Variants in LCTL observed in about 807,000 individuals in gnomAD.
The protein encoded by LCTL is lactase like, also known as lactase-like protein.
In LCTL, 76 loss-of-function variants were observed where a neutral mutation model predicts 75.8. The observed-to-expected ratio is 1.00, with a 90% CI of 0.83 to 1.21. LCTL has a LOEUF of 1.21. Ranked by LOEUF, LCTL falls within the 50% of genes most tolerant of loss-of-function variation. The pLI is 0.00. For synonymous variants in LCTL, 271 were observed against 268.8 expected, an observed-to-expected ratio of 1.01 and a Z score of -0.08; for missense variants, 670 against 712.4, an observed-to-expected ratio of 0.94 and a Z score of 0.68.
chr15:66,552,152 A>G (rs966230129), exon 10 of LCTL: 4 of 1,612,228 alleles, frequency 2.5e-6, no homozygotes, highest in Non-Finnish European at 3.4e-6. Flanking sequence ...CATATATGGG[A>G]GGATCACCGT....
chr15:66,561,104 A>G lies in LCTL; in HGVS notation c.610-3T>C, dbSNP rs370356817. ...TCATAGCCTTTTTCTGCCATTGCCT[A>G]TAGGGACAGCAAGCAGGACCACAGG... On this transcript the variant is annotated splice_polypyrimidine_tract_variant and splice_region_variant and intron_variant, in intron 5 of 12. Transcript: ENST00000341509. The G allele has an allele frequency of 1.2e-5, 20 of 1,614,014 alleles. No individual in the cohort carries two copies. Among genetic ancestry groups the G allele is most frequent in the East Asian group, 8.9e-5 (4 of 44,890 alleles).
chr15:66,557,828 G>T lies in LCTL; in HGVS notation c.816C>A (p.Asn272Lys), dbSNP rs765704757. 3.7e-6 allele frequency: 6 copies of T among 1,614,118 alleles called. No homozygotes were observed. In the East Asian group the frequency reaches 1.3e-4, roughly 36 times the overall value. ...TCTCGGCAGCCTCTAGGTCCTTGGGGTTACTAATGTCCACAGGTTCCCCCC... is the reference window on the plus strand; with the variant it reads ...TCTCGGCAGCCTCTAGGTCCTTGGGTTTACTAATGTCCACAGGTTCCCCCC... The change falls in exon 8 of 13, where the codon AAC (asparagine) becomes AAA (lysine). Residue 272 changes from asparagine (N) to lysine (K), a missense_variant. Transcript: ENST00000341509.
At chr15:66,561,131 T>C in intron 5 of LCTL, 30 bp from the exon 7 acceptor site, 2 of 1,614,106 alleles carry the variant, frequency 1.2e-6, no homozygotes, top group Non-Finnish European at 1.7e-6. Flanking sequence ...GACCACAGGA[T>C]CCATAAGAAG....
At chr15:66,550,402 T>C (rs975719848) in intron 11 of LCTL, among the ~76,000 whole-genome samples, 2 of 152,224 alleles carry the variant, frequency 1.3e-5, no homozygotes, top group African/African-American at 2.4e-5. Context: ...CATTTAATAG[T>C]CCTACGGGGC....
intron 8 of LCTL, among the ~76,000 whole-genome samples, chr15:66,554,222 T>C (rs1226308616): frequency 1.6e-5 from 2 of 126,436 alleles, no homozygotes; most frequent in Admixed American, 1.9e-4. Flanking sequence ...AGCCGGGAGG[T>C]GGAGGTTGCA....
chr15:66,555,722 C>T (rs1184386105), intron 8 of LCTL, among the ~76,000 whole-genome samples: 1 of 152,088 alleles, frequency 6.6e-6, no homozygotes, highest in Admixed American at 6.6e-5. Flanking sequence ...GGAATCAAGA[C>T]ACTAGCAACA....
At chr15:66,559,663 G>C (rs745736875) in intron 6 of LCTL, among the ~76,000 whole-genome samples, 3 of 150,364 alleles carry the variant, frequency 2.0e-5, no homozygotes, top group Admixed American at 6.6e-5. Flanking sequence ...AGCCGAGATC[G>C]TGCCACTGCA....
At chr15:66,555,433 T>A (rs1895718029) in intron 8 of LCTL, among the ~76,000 whole-genome samples, 1 of 151,656 alleles carries the variant, frequency 6.6e-6, no homozygotes, top group Non-Finnish European at 1.5e-5. Flanking sequence ...CCCAGGTACT[T>A]GGGAGGCTGA....
chr15:66,551,514 T>C, intron 11 of LCTL, 148 bp downstream of exon 12: 1 of 637,236 alleles, frequency 1.6e-6, no homozygotes. Context: ...TCTAAGCAAA[T>C]GAGTAAAGGT....
chr15:66,559,798 A>C (rs1250899876), intron 6 of LCTL, among the ~76,000 whole-genome samples: 2 of 152,200 alleles, frequency 1.3e-5, no homozygotes, highest in East Asian at 3.8e-4. Context: ...TATTAAAAAT[A>C]TCTTGAGGCG....
intron 6 of LCTL, among the ~76,000 whole-genome samples, chr15:66,558,452 G>A (rs1036310805): frequency 2.6e-5 from 4 of 152,068 alleles, no homozygotes; most frequent in Non-Finnish European, 4.4e-5. Flanking sequence ...CCAGTGACCC[G>A]CTGGCCTGCC....
exon 8 of LCTL, chr15:66,557,845 G>T: frequency 3.7e-6 from 6 of 1,614,134 alleles, no homozygotes; most frequent in Non-Finnish European, 5.1e-6. Context: ...ATGTCCACAG[G>T]TTCCCCCCAG....
intron 2 of LCTL, chr15:66,564,382 G>A (rs1895969441): frequency 6.3e-6 from 3 of 478,836 alleles, no homozygotes; most frequent in Non-Finnish European, 1.1e-5. Context: ...TAGGCCCTGA[G>A]GCTGTGGGAT....
chr15:66,548,785 T>C, intron 12 of LCTL, 180 bp from the exon 14 acceptor site: 1 of 425,640 alleles, frequency 2.3e-6, no homozygotes, highest in South Asian at 4.9e-5. Flanking sequence ...GAAAATGTTA[T>C]AAGAGCTTTG....
At chr15:66,563,932 G>A in exon 3 of LCTL, 2 of 1,614,122 alleles carry the variant, frequency 1.2e-6, no homozygotes, top group Non-Finnish European at 1.7e-6. Context: ...GTGGGCAGGA[G>A]CCGGGGCCAA....
chr15:66,562,421 A>G (rs1479016217), intron 4 of LCTL, among the ~76,000 whole-genome samples: 1 of 151,786 alleles, frequency 6.6e-6, no homozygotes, highest in African/African-American at 2.4e-5. Context: ...AAAAAAACAA[A>G]AGAAAGAAAA....
chr15:66,560,978 G>T lies in LCTL; in HGVS notation c.705+28C>A, dbSNP rs1291784160. On this transcript the variant is annotated intron_variant, in intron 6 of 12. Transcript: ENST00000341509. Reference sequence around the variant, plus strand: ...GGCAGGCTGAGCTGACCCTGAGGCTGTTCCTCCACCAGAAGGACCCACCTC... The same window carrying T: ...GGCAGGCTGAGCTGACCCTGAGGCTTTTCCTCCACCAGAAGGACCCACCTC... 4 of 1,608,652 alleles carry T rather than the reference G, an allele frequency of 2.5e-6. No individual in the cohort carries two copies. The Admixed American group carries it at 6.7e-5, about 27-fold the overall frequency.
At chr15:66,551,682 C>T in exon 11 of LCTL, 1 of 1,613,996 alleles carries the variant, frequency 6.2e-7, no homozygotes, top group South Asian at 1.1e-5. Context: ...TTGGGAAACC[C>T]ATTGGCAATG....
intron 2 of LCTL, 29 bp from the exon 4 acceptor site, chr15:66,564,027 C>G (rs1895960128): frequency 6.7e-7 from 1 of 1,485,650 alleles, no homozygotes; most frequent in African/African-American, 1.4e-5. Flanking sequence ...GGAGACAGGT[C>G]ACCTGGGCCC....
Sources: allele counts gnomAD v4.1 joint callset (sites outside exome capture counted in the v4.1 genomes callset), GRCh38; gene constraint gnomAD v4.1.1; transcripts MANE v1.5; gene names NCBI Gene and HGNC (gene_info 2026-07-23, HGNC 2026-07-21).